Variants in PLCXD2 observed in about 807,000 individuals in gnomAD.
PLCXD2 encodes the protein PI-PLC X domain-containing protein 2.
In PLCXD2, 21 loss-of-function variants were observed where a neutral mutation model predicts 28.6. That is an observed-to-expected ratio of 0.73 (90% CI 0.52 to 1.06). PLCXD2 has a LOEUF of 1.06. Among genes scored for constraint, PLCXD2 ranks in the 50% least tolerant of loss-of-function variants. The pLI is 0.00. For missense variants in PLCXD2, 369 were observed against 376.7 expected, an observed-to-expected ratio of 0.98 and a Z score of 0.17; for synonymous variants, 140 against 150.1, an observed-to-expected ratio of 0.93 and a Z score of 0.49.
At chr3:111,699,194 T>G (rs1941006583) in intron 1 of PLCXD2, among the ~76,000 whole-genome samples, 1 of 152,192 alleles carries the variant, frequency 6.6e-6, no homozygotes. Context: ...TCTCTCTATC[T>G]TCTTATAAGC....
At chr3:111,726,724 T>C (rs1941420991) in intron 3 of PLCXD2, 1 of 152,224 alleles carries the variant, frequency 6.6e-6, no homozygotes, top group Non-Finnish European at 1.5e-5. Context: ...TCTCGTCTTC[T>C]TTCTTGTAAC....
chr3:111,695,475 C>G (rs1327913969), intron 1 of PLCXD2, among the ~76,000 whole-genome samples: 1 of 152,234 alleles, frequency 6.6e-6, no homozygotes, highest in Non-Finnish European at 1.5e-5. Flanking sequence ...AGCATCACTG[C>G]TGTCGCACTT....
At chr3:111,724,922 C>A (rs1941395993) in intron 3 of PLCXD2, 1 of 152,162 alleles carries the variant, frequency 6.6e-6, no homozygotes, top group Admixed American at 6.5e-5. Context: ...ATTTGCAAAT[C>A]TTGGTTGATT....
intron 1 of PLCXD2, among the ~76,000 whole-genome samples, chr3:111,684,057 C>T (rs373480943): frequency 6.6e-6 from 1 of 152,050 alleles, no homozygotes; most frequent in African/African-American, 2.4e-5. Context: ...TTAGGCCAGG[C>T]GTGGTGGCTC....
rs567577414 is a variant in PLCXD2, at chr3:111,691,868, A to G, written c.164-16058A>G. 5.2e-4 allele frequency among the ~76,000 whole-genome samples: 79 copies of G among 152,330 alleles called. 1 individual carries two copies. The highest frequency in any genetic ancestry group is 1.8e-3 in the African/African-American group (76 of 41,582). On this transcript the variant is annotated intron_variant, in intron 1 of 4. Transcript: ENST00000477665. ...CCCTGCAGGATTGTAGCACAGGTCA[A>G]ATGAGATCATGTAAGTAAAATGCCC...
At chr3:111,701,285 T>A (rs1436184646) in intron 1 of PLCXD2, among the ~76,000 whole-genome samples, 1 of 152,294 alleles carries the variant, frequency 6.6e-6, no homozygotes, top group East Asian at 1.9e-4. Flanking sequence ...ATTTGACAGA[T>A]GAGGAAACTG....
chr3:111,697,717 C>T (rs1490895080), intron 1 of PLCXD2, among the ~76,000 whole-genome samples: 1 of 152,046 alleles, frequency 6.6e-6, no homozygotes, highest in Non-Finnish European at 1.5e-5. Context: ...ATCTTTTTGG[C>T]AACAGGTTGG....
chr3:111,689,501 C>T (rs1481475487), intron 1 of PLCXD2, among the ~76,000 whole-genome samples: 1 of 152,138 alleles, frequency 6.6e-6, no homozygotes, highest in Non-Finnish European at 1.5e-5. Context: ...CTTTGAACAC[C>T]CTCCCTTCCA....
At chr3:111,702,659 AAAAT>A (rs1941059783) in intron 1 of PLCXD2, among the ~76,000 whole-genome samples, 1 of 151,720 alleles carries the variant, frequency 6.6e-6, no homozygotes, top group South Asian at 2.1e-4. Flanking sequence ...ACCTTATCAT[AAAAT>A]AAACTGCTAT....
chr3:111,700,269 G>C (rs1941022791), intron 1 of PLCXD2, among the ~76,000 whole-genome samples: 1 of 152,138 alleles, frequency 6.6e-6, no homozygotes, highest in Non-Finnish European at 1.5e-5. Flanking sequence ...TATGCACACA[G>C]AAAGGAAAAA....
chr3:111,685,880 A>G (rs751603473), intron 1 of PLCXD2, among the ~76,000 whole-genome samples: 22 of 152,232 alleles, frequency 1.4e-4, no homozygotes, highest in Admixed American at 3.3e-4. Context: ...AAAAGAGAAT[A>G]GGTACCCCTC....
At chr3:111,687,688 T>C (rs78801676) in intron 1 of PLCXD2, among the ~76,000 whole-genome samples, 10,290 of 148,544 alleles carry the variant, frequency 0.069, 407 homozygotes, top group South Asian at 0.14. Context: ...TTCTTTCTTT[T>C]TTTTTTTTTT....
At chr3:111,711,883 A>T (rs1438037635) in intron 2 of PLCXD2, among the ~76,000 whole-genome samples, 4 of 152,214 alleles carry the variant, frequency 2.6e-5, no homozygotes, top group Admixed American at 2.6e-4. Context: ...TATATCCCAG[A>T]GGCTCCAAGT....
intron 1 of PLCXD2, chr3:111,691,478 T>C (rs1198673853): frequency 6.6e-6 from 1 of 152,226 alleles, no homozygotes; most frequent in Non-Finnish European, 1.5e-5. Context: ...TTTCTTCAAC[T>C]GAGAGAAGGT....
intron 1 of PLCXD2, among the ~76,000 whole-genome samples, chr3:111,703,023 TTG>T (rs1941068102): frequency 6.6e-6 from 1 of 152,220 alleles, no homozygotes; most frequent in South Asian, 2.1e-4. Flanking sequence ...CAGTTAAATG[TTG>T]TTTCACCCAC....
At chr3:111,681,626 C>T (rs551343091) in intron 1 of PLCXD2, among the ~76,000 whole-genome samples, 13 of 152,298 alleles carry the variant, frequency 8.5e-5, no homozygotes, top group African/African-American at 2.4e-4. Flanking sequence ...TTAGCTATGA[C>T]GTTAGCCTCA....
intron 2 of PLCXD2, among the ~76,000 whole-genome samples, chr3:111,709,315 A>C (rs1941167267): frequency 6.6e-6 from 1 of 152,208 alleles, no homozygotes; most frequent in South Asian, 2.1e-4. Context: ...AAATAGACAA[A>C]GATACCTTGC....
At chr3:111,711,220 G>A (rs9288928) in intron 2 of PLCXD2, among the ~76,000 whole-genome samples, 145,290 of 152,246 alleles carry the variant, frequency 0.95, 69,373 homozygotes, top group Middle Eastern at 0.98. Context: ...CCTGGCCAAC[G>A]TGGTGAAACC....
chr3:111,714,012 TC>T lies in PLCXD2; in HGVS notation c.751del (p.Leu251Ter). ...AACTAATCCTCTTCTTGGAGACCAC[TC>T]TGAGTGAGCGGGCCTCACGGGGCTC... On this transcript the variant is annotated frameshift_variant, in exon 3 of 5. Transcript: ENST00000477665. LOFTEE classifies it high-confidence loss of function. 6.2e-7 allele frequency: 1 copy of T among 1,614,132 alleles called. No homozygotes were observed. Among genetic ancestry groups the T allele is most frequent in the East Asian group, 2.2e-5 (1 of 44,870 alleles).
Sources: allele counts gnomAD v4.1 joint callset (sites outside exome capture counted in the v4.1 genomes callset), GRCh38; gene constraint gnomAD v4.1.1; transcripts MANE v1.5; gene names NCBI Gene and HGNC (gene_info 2026-07-23, HGNC 2026-07-21).